Variants in CAMTA1 observed in about 807,000 individuals in gnomAD.
CAMTA1 encodes calmodulin-binding transcription activator 1.
A neutral mutation model predicts 170.9 loss-of-function variants in CAMTA1; 27 were observed. That is an observed-to-expected ratio of 0.16 (90% confidence interval 0.12 to 0.22). The LOEUF (loss-of-function observed/expected upper bound fraction) is 0.22, where lower values mean the gene tolerates loss of function less well. Ranked by LOEUF, CAMTA1 falls within the 10% of genes least tolerant of loss-of-function variation. The pLI is 1.00. For missense variants in CAMTA1, 1,619 were observed against 2,217.2 expected (o/e 0.73, Z 5.42); for synonymous variants, 833 against 891.5 (o/e 0.93, Z 1.17).
chr1:7,383,373 G>A (rs1449576087), intron 5 of CAMTA1, among the ~76,000 whole-genome samples: 2 of 152,028 alleles, frequency 1.3e-5, no homozygotes, highest in Non-Finnish European at 2.9e-5. Flanking sequence ...CTCATCTAAC[G>A]TGTGTAGTAT....
chr1:7,375,824 C>A (rs931605905), intron 5 of CAMTA1, among the ~76,000 whole-genome samples: 1 of 152,228 alleles, frequency 6.6e-6, no homozygotes, highest in African/African-American at 2.4e-5. Context: ...AACATTAAAG[C>A]TTTATAGAGC....
intron 4 of CAMTA1, among the ~76,000 whole-genome samples, chr1:7,105,352 A>G (rs1355045832): frequency 1.3e-5 from 2 of 152,236 alleles, no homozygotes; most frequent in Non-Finnish European, 2.9e-5. Flanking sequence ...CCTGCCAGAA[A>G]GTTCGGGCTT....
At chr1:6,817,109 T>C (rs1185958584) in intron 1 of CAMTA1, among the ~76,000 whole-genome samples, 1 of 152,212 alleles carries the variant, frequency 6.6e-6, no homozygotes, top group African/African-American at 2.4e-5. Context: ...TTATTTCAGA[T>C]ATTCTGTCAC....
rs1449046553 is a variant in CAMTA1 at position 7,248,042 on chromosome 1, GTC to G, written c.303-1447_303-1446del. Reference sequence around the variant, plus strand: ...GAAGTATCGGGAGTCGCTGTTGAAAGTCTGTAATTTCCAGCGGAATTGCTGTT... The same window carrying G: ...GAAGTATCGGGAGTCGCTGTTGAAAGTGTAATTTCCAGCGGAATTGCTGTT... On this transcript the variant is annotated intron_variant, in intron 4 of 22. Transcript: ENST00000303635. This position sits in a 1 kb window ranked among gnomAD's most constrained non-coding sequence, Gnocchi z 4.0. Among the ~76,000 whole-genome samples the G allele has an allele frequency of 6.6e-6, 1 of 152,198 alleles. No homozygotes were observed. Among genetic ancestry groups the G allele is most frequent in the East Asian group, 1.9e-4 (1 of 5,188 alleles).
Position 7,230,436 on chromosome 1 carries a change from C to A in CAMTA1, c.303-19055C>A, listed in dbSNP as rs997199674. Among the ~76,000 whole-genome samples, 16 of 76,066 alleles carry A rather than the reference C, an allele frequency of 2.1e-4. 3 individuals carry two copies. The highest frequency in any genetic ancestry group is 5.0e-4 in the African/African-American group (8 of 15,912). The allele number at this position is 76,066 out of a possible 152,430, so 49.9% of individuals were successfully genotyped here. On this transcript the variant is annotated intron_variant, in intron 4 of 22. Transcript: ENST00000303635. ...CTGGGCTGCTGCTCTGGGCTGACCC[C>A]CCCCCCCCGCCCCGCAAAGCTCTGT...
chr1:6,863,122 C>T lies in CAMTA1; in HGVS notation c.234+37912C>T, dbSNP rs1049458720. Among the ~76,000 whole-genome samples, 6 of 152,200 alleles carry T rather than the reference C, an allele frequency of 3.9e-5. 1 individual carries two copies. In the South Asian group the frequency reaches 1.2e-3, roughly 32 times the overall value. The stretch of plus-strand genomic sequence containing the variant: ...GATTAGCACAATCAACCAGCACGTC[C>T]CTCACTATACGGTGTTTTACTGTGT... On this transcript the variant is annotated intron_variant, in intron 3 of 22. Transcript: ENST00000303635.
Position 7,565,978 on chromosome 1 carries a change from C to T in CAMTA1, c.511-74422C>T, listed in dbSNP as rs184354348. Among the ~76,000 whole-genome samples the T allele has an allele frequency of 1.4e-4, 22 of 152,178 alleles. No individual in the cohort carries two copies. In the East Asian group the frequency reaches 3.9e-3, roughly 27 times the overall value. On this transcript the variant is annotated intron_variant, in intron 6 of 22. Transcript: ENST00000303635. The surrounding 1 kb of genome is among the most constrained non-coding windows in gnomAD (Gnocchi z 4.5). Reference sequence around the variant, plus strand: ...TTACTCTTCTTAGAAGTCTTCCAATCCTATTGGATTAGGACCCTGGCCCCA... The same window carrying T: ...TTACTCTTCTTAGAAGTCTTCCAATTCTATTGGATTAGGACCCTGGCCCCA...
chr1:7,525,396 TC>T (rs748705988), intron 6 of CAMTA1, among the ~76,000 whole-genome samples: 6 of 151,282 alleles, frequency 4.0e-5, no homozygotes, highest in East Asian at 3.9e-4. Context: ...AGGCTCAGGC[TC>T]CCCCCATCTC....
chr1:7,129,241 T>C (rs1645111636), intron 4 of CAMTA1, among the ~76,000 whole-genome samples: 1 of 152,188 alleles, frequency 6.6e-6, no homozygotes, highest in African/African-American at 2.4e-5. Context: ...TGGCTTCTAT[T>C]AGGTTGGTGT....
In CAMTA1 at chr1:7,023,130, C is replaced by T. The variant is rs767061516; in HGVS notation, c.235-68174C>T. On this transcript the variant is annotated intron_variant, in intron 3 of 22. Transcript: ENST00000303635. ...CACGGTATACCCCAGTCCCCCAAGC[C>T]GTAGCTTCTAAGAGTTTCCTTCAAG... is the stretch of plus-strand genomic sequence containing the variant. Among the ~76,000 whole-genome samples the T allele has an allele frequency of 4.6e-5, 7 of 152,314 alleles. No homozygotes were observed. In the South Asian group the frequency reaches 1.4e-3, roughly 32 times the overall value.
intron 5 of CAMTA1, among the ~76,000 whole-genome samples, chr1:7,264,412 C>T (rs1668606204): frequency 6.6e-6 from 1 of 152,208 alleles, no homozygotes; most frequent in Non-Finnish European, 1.5e-5. Context: ...CATGCAGTTT[C>T]CTTCTGGCGC....
chr1:6,898,941 A>G (rs953052512), intron 3 of CAMTA1, among the ~76,000 whole-genome samples: 6 of 152,234 alleles, frequency 3.9e-5, no homozygotes, highest in African/African-American at 1.4e-4. Context: ...TAGACGTAGC[A>G]CCAAGGTGCC....
intron 5 of CAMTA1, among the ~76,000 whole-genome samples, chr1:7,399,764 G>T (rs527892457): frequency 2.0e-5 from 3 of 152,038 alleles, no homozygotes; most frequent in Admixed American, 1.3e-4. Flanking sequence ...AGGCTGGCAG[G>T]TTTTTTTTCT....
At position 7,547,182 on chromosome 1, in the gene CAMTA1, A is replaced by G. The variant is rs1407749291; in HGVS notation, c.510+79281A>G. Among the ~76,000 whole-genome samples the G allele has an allele frequency of 6.6e-6, 1 of 152,156 alleles. No homozygotes were observed. The highest frequency in any genetic ancestry group is 2.4e-5 in the African/African-American group (1 of 41,424). On this transcript the variant is annotated intron_variant, in intron 6 of 22. Transcript: ENST00000303635. The surrounding 1 kb of genome is among the most constrained non-coding windows in gnomAD (Gnocchi z 5.7). ...AGCACTTCCTTGCTTTCTGAACAAG[A>G]TGTTCCAGGCATATCTTGTACTTTC...
chr1:7,523,999 G>C (rs1300496270), intron 6 of CAMTA1, among the ~76,000 whole-genome samples: 23 of 152,086 alleles, frequency 1.5e-4, no homozygotes, highest in Non-Finnish European at 1.2e-4. Context: ...TCAGGAGTTT[G>C]AGACCAGCCT....
chr1:7,678,513 G>A (rs1249963945), intron 11 of CAMTA1, among the ~76,000 whole-genome samples: 1 of 152,186 alleles, frequency 6.6e-6, no homozygotes, highest in Non-Finnish European at 1.5e-5. Flanking sequence ...GGGGTACCAG[G>A]GGCTCTGCAG....
intron 6 of CAMTA1, among the ~76,000 whole-genome samples, chr1:7,470,075 G>A (rs1333972084): frequency 6.6e-6 from 1 of 152,206 alleles, no homozygotes; most frequent in Non-Finnish European, 1.5e-5. Flanking sequence ...TGGCCGAGCT[G>A]GGGCCTCTTC....
intron 3 of CAMTA1, among the ~76,000 whole-genome samples, chr1:6,925,506 G>A (rs1479954727): frequency 6.6e-6 from 1 of 152,182 alleles, no homozygotes; most frequent in Admixed American, 6.5e-5. Context: ...TGTTGAGGCT[G>A]TGCTCGATCT....
At chr1:7,428,666 A>G (rs1236414606) in intron 5 of CAMTA1, among the ~76,000 whole-genome samples, 1 of 151,844 alleles carries the variant, frequency 6.6e-6, no homozygotes, top group Non-Finnish European at 1.5e-5. Flanking sequence ...GACCCCCCAC[A>G]CTGTCCTCTC....
Sources: allele counts gnomAD v4.1 joint callset (sites outside exome capture counted in the v4.1 genomes callset), GRCh38; gene constraint gnomAD v4.1.1; non-coding constraint Gnocchi (gnomAD v3.1); transcripts MANE v1.5; gene names NCBI Gene and HGNC (gene_info 2026-07-23, HGNC 2026-07-21).